The following TF variants were observed in gnomAD, a reference collection of about 807,000 sequenced individuals.
TF encodes the protein transferrin, also known as serotransferrin.
In TF, 55 loss-of-function variants were observed where a neutral mutation model predicts 82.4. The observed-to-expected ratio is 0.67, with a 90% CI of 0.54 to 0.84. The LOEUF (loss-of-function observed/expected upper bound fraction) is 0.84, where lower values mean the gene tolerates loss of function less well. TF is among the 40% of genes least tolerant of loss of function. TF has a pLI of 0.00. For missense variants in TF, 737 were observed against 868.4 expected (o/e 0.85, Z 1.90); for synonymous variants, 332 against 332.6 (o/e 1.00, Z 0.02).
At chr3:133,677,619 C>T in the TF span, among the ~76,000 whole-genome samples, 1 of 152,150 alleles carries the variant, frequency 6.6e-6, no homozygotes, top group Admixed American at 6.5e-5. Flanking sequence ...GCCTGGGCAA[C>T]AGAGCAAGAC....
At chr3:133,699,372 G>A in the TF span, 1 of 773,572 alleles carries the variant, frequency 1.3e-6, no homozygotes. Flanking sequence ...ATGGTTCGGT[G>A]AGGGGCATGG....
chr3:133,720,689 T>A, the TF span, among the ~76,000 whole-genome samples: 1 of 152,280 alleles, frequency 6.6e-6, no homozygotes, highest in East Asian at 1.9e-4. Flanking sequence ...CTTCTTTAAA[T>A]GTTTAGTGGA....
the TF span, chr3:133,699,534 C>T: frequency 1.0e-6 from 1 of 960,952 alleles, no homozygotes; most frequent in Non-Finnish European, 1.5e-6. Flanking sequence ...CAAGGACTGC[C>T]ATTTGGCCTG....
chr3:133,770,647 C>A, intron 14 of TF, 75 bp downstream of exon 14: 1 of 1,464,336 alleles, frequency 6.8e-7, no homozygotes. Flanking sequence ...TTCAGGGATG[C>A]CTTTGTGGAA....
the TF span, among the ~76,000 whole-genome samples, chr3:133,731,317 T>C: frequency 6.6e-6 from 1 of 152,204 alleles, no homozygotes; most frequent in Admixed American, 6.5e-5. Context: ...CCTTAAATAA[T>C]GTTGGAAGAA....
chr3:133,786,222 T>TAAAAAAAAA lies in TF; in HGVS notation c.*7612_*7620dup, dbSNP rs1553742153. 1 of 84,300 alleles carries TAAAAAAAAA rather than the reference T, an allele frequency of 1.2e-5. No individual in the cohort carries two copies. Among genetic ancestry groups the TAAAAAAAAA allele is most frequent in the African/African-American group, 3.9e-5 (1 of 25,404 alleles). 5.2% of individuals were successfully genotyped at this position (84,300 alleles called of 1,614,324 possible). Reference sequence around the variant, plus strand: ...AAGAATTATCAATAAAAAAATAAATTAAAAAAAAAAAAAAAAAACAATACT... The same window carrying TAAAAAAAAA: ...AAGAATTATCAATAAAAAAATAAATTAAAAAAAAAAAAAAAAAAAAAAAAAAACAATACT... On this transcript the variant is annotated 3_prime_UTR_variant, in exon 17 of 17. Coordinates refer to ENST00000402696, the MANE Select transcript of TF (RefSeq NM_001063.4).
chr3:133,736,631 C>CAAAAAAGAAAAAAAAAAAAAAAAAAAAAA, the TF span, among the ~76,000 whole-genome samples: 40 of 32,554 alleles, frequency 1.2e-3, 3 homozygotes, highest in South Asian at 2.4e-3. Context: ...AATGGAAAGC[C>CAAAAAAGAAAAAAAAAAAAAAAAAAAAAA]AAAAAAAAAA....
the TF span, among the ~76,000 whole-genome samples, chr3:133,718,715 G>T: frequency 6.6e-6 from 1 of 152,174 alleles, no homozygotes; most frequent in East Asian, 1.9e-4. Flanking sequence ...AGCCAACACT[G>T]ATGTTGGAGG....
At chr3:133,708,324 A>T in the TF span, among the ~76,000 whole-genome samples, 1 of 152,150 alleles carries the variant, frequency 6.6e-6, no homozygotes, top group Non-Finnish European at 1.5e-5. Context: ...ATGCAGCAAG[A>T]CTCCGTCTCA....
rs1576372079 is a variant in TF at position 133,785,012 on chromosome 3, C to G, written c.*6392C>G. On this transcript the variant is annotated 3_prime_UTR_variant, in exon 17 of 17. Transcript: ENST00000402696. ...GAGGGAGGTGGGGGGGTCAGCCCCCCGCCCGGCCAGCCGCCCCGTCTGGGA... is the reference window on the plus strand; with the variant it reads ...GAGGGAGGTGGGGGGGTCAGCCCCCGGCCCGGCCAGCCGCCCCGTCTGGGA... The G allele has an allele frequency of 1.3e-5, 1 of 78,660 alleles. No homozygotes were observed. Among genetic ancestry groups the G allele is most frequent in the African/African-American group, 3.5e-5 (1 of 28,722 alleles). 4.9% of individuals were successfully genotyped at this position (78,660 alleles called of 1,614,324 possible). A position where few individuals can be genotyped will look rare whatever the true frequency, so the allele number is the denominator to read the frequency against.
chr3:133,717,305 C>T, the TF span, among the ~76,000 whole-genome samples: 14 of 152,220 alleles, frequency 9.2e-5, no homozygotes, highest in South Asian at 6.2e-4. Flanking sequence ...AGGAGGCCAA[C>T]GAAAATTCTT....
the TF span, among the ~76,000 whole-genome samples, chr3:133,687,516 T>C: frequency 6.6e-6 from 1 of 152,212 alleles, no homozygotes; most frequent in Non-Finnish European, 1.5e-5. Context: ...ATCATCTCTA[T>C]CTAGTTCCAA....
chr3:133,735,590 TCAGTTTG>T, the TF span, among the ~76,000 whole-genome samples: 1 of 152,024 alleles, frequency 6.6e-6, no homozygotes, highest in Admixed American at 6.6e-5. Flanking sequence ...ACTACAATAA[TCAGTTTG>T]AAGAAGGACA....
chr3:133,688,951 G>T, the TF span, among the ~76,000 whole-genome samples: 1 of 152,058 alleles, frequency 6.6e-6, no homozygotes. Context: ...TCCCAAAATT[G>T]TTATCTCATT....
At chr3:133,712,418 T>C in the TF span, among the ~76,000 whole-genome samples, 1 of 152,216 alleles carries the variant, frequency 6.6e-6, no homozygotes, top group African/African-American at 2.4e-5. Context: ...GCCACTGCCC[T>C]GTGCTGGGAT....
the TF span, among the ~76,000 whole-genome samples, chr3:133,720,774 C>T: frequency 1.3e-5 from 2 of 152,066 alleles, no homozygotes; most frequent in African/African-American, 4.8e-5. Flanking sequence ...AATTTTCTCA[C>T]TTATTACTGG....
intron 13 of TF, among the ~76,000 whole-genome samples, chr3:133,769,416 A>C (rs915057027): frequency 6.6e-6 from 1 of 152,222 alleles, no homozygotes; most frequent in Non-Finnish European, 1.5e-5. Context: ...TTTGAGAATT[A>C]TAGGTCATGA....
At chr3:133,738,741 G>A in the TF span, among the ~76,000 whole-genome samples, 143 of 152,250 alleles carry the variant, frequency 9.4e-4, no homozygotes, top group African/African-American at 3.3e-3. Flanking sequence ...AAATACCTAG[G>A]AATACAACTT....
intron 14 of TF, chr3:133,773,420 C>G (rs1367210906): frequency 2.6e-5 from 4 of 152,032 alleles, no homozygotes; most frequent in Non-Finnish European, 5.9e-5. Flanking sequence ...CTCGGCCTCT[C>G]AAAAGTGCTG....
Sources: allele counts gnomAD v4.1 joint callset (sites outside exome capture counted in the v4.1 genomes callset), GRCh38; gene constraint gnomAD v4.1.1; transcripts MANE v1.5; gene names NCBI Gene and HGNC (gene_info 2026-07-23, HGNC 2026-07-21).